PTPRD: variants seen among roughly 807,000 people sequenced by gnomAD.
PTPRD encodes protein tyrosine phosphatase receptor type D.
Under a neutral mutation model 214.5 loss-of-function variants are expected in PTPRD, and 34 were observed. The observed-to-expected ratio is 0.16, with a 90% CI of 0.12 to 0.21. The LOEUF is 0.21. Ranked by LOEUF, PTPRD falls within the 10% of genes least tolerant of loss-of-function variation. The pLI is 1.00. For missense variants in PTPRD, 2,545 were observed against 2,398.7 expected, an observed-to-expected ratio of 1.06 and a Z score of -1.27; for synonymous variants, 1,128 against 845.7, an observed-to-expected ratio of 1.33 and a Z score of -5.79.
intron 9 of PTPRD, among the ~76,000 whole-genome samples, chr9:9,289,363 C>G (rs1371737373): frequency 1.3e-5 from 2 of 151,804 alleles, no homozygotes; most frequent in African/African-American, 4.8e-5. Flanking sequence ...ATATGATTGA[C>G]AAATCAAAAT....
At chr9:8,919,348 T>C (rs920349201) in intron 11 of PTPRD, among the ~76,000 whole-genome samples, 2 of 148,190 alleles carry the variant, frequency 1.3e-5, no homozygotes, top group African/African-American at 5.0e-5. Context: ...GCCGAGGCTA[T>C]GCCACTGGAT....
intron 12 of PTPRD, among the ~76,000 whole-genome samples, chr9:8,667,608 TAA>T (rs1238320000): frequency 6.6e-6 from 1 of 152,000 alleles, no homozygotes; most frequent in Non-Finnish European, 1.5e-5. Context: ...GCAATGCATA[TAA>T]GACATATAAA....
chr9:8,330,373 AATAGACTATAGT>A (rs1183425397), intron 44 of PTPRD, among the ~76,000 whole-genome samples: 3 of 151,838 alleles, frequency 2.0e-5, no homozygotes, highest in Admixed American at 2.0e-4. Flanking sequence ...TTGCACACTA[AATAGACTATAGT>A]ATAAAGTAAA....
chr9:9,646,318 GGTGTGTGTGTGTGTGT>G (rs369865111), intron 7 of PTPRD, among the ~76,000 whole-genome samples: 1 of 137,238 alleles, frequency 7.3e-6, no homozygotes, highest in African/African-American at 2.8e-5. Flanking sequence ...TGTGTGTGTG[GGTGTGTGTGTGTGTGT>G]GTGTGTGTGG....
chr9:8,652,218 G>A (rs1004286689), intron 12 of PTPRD, among the ~76,000 whole-genome samples: 1 of 152,170 alleles, frequency 6.6e-6, no homozygotes, highest in Non-Finnish European at 1.5e-5. Context: ...AATATAGAAT[G>A]CATGCCGAAA....
At chr9:9,653,348 CAAAAAAAAAAAAAAAAAAAAAA>C (rs1175875551) in intron 7 of PTPRD, among the ~76,000 whole-genome samples, 13 of 32,506 alleles carry the variant, frequency 4.0e-4, no homozygotes, top group East Asian at 7.0e-3. Flanking sequence ...GACTCCGTCT[CAAAAAAAAAAAAAAAAAAAAAA>C]AAAAAAAAAA....
intron 3 of PTPRD, among the ~76,000 whole-genome samples, chr9:10,110,256 C>G (rs931424421): frequency 6.6e-5 from 10 of 152,180 alleles, no homozygotes; most frequent in East Asian, 1.9e-4. Flanking sequence ...AGGCTCTGCT[C>G]TAGTTGCACA....
chr9:10,249,927 A>G (rs1390863013), intron 3 of PTPRD, among the ~76,000 whole-genome samples: 2 of 152,174 alleles, frequency 1.3e-5, no homozygotes, highest in Admixed American at 1.3e-4. Context: ...TTTCCTCTAA[A>G]CACAATTAGA....
At chr9:10,570,479 A>T (rs1004518378) in intron 2 of PTPRD, among the ~76,000 whole-genome samples, 8 of 152,192 alleles carry the variant, frequency 5.3e-5, no homozygotes, top group African/African-American at 1.9e-4. Context: ...ATTGATGAAC[A>T]CATATAGTAT....
At chr9:10,181,159 A>G (rs1337923723) in intron 3 of PTPRD, among the ~76,000 whole-genome samples, 3 of 152,076 alleles carry the variant, frequency 2.0e-5, no homozygotes, top group African/African-American at 7.2e-5. Flanking sequence ...TATATAGACA[A>G]TTCAGGATAG....
At chr9:9,579,979 T>C (rs557378497) in intron 7 of PTPRD, among the ~76,000 whole-genome samples, 1 of 152,258 alleles carries the variant, frequency 6.6e-6, no homozygotes, top group African/African-American at 2.4e-5. Flanking sequence ...CTGGGTTGTT[T>C]CACTTAAGAT....
At chr9:8,784,140 G>A (rs1314915924) in intron 11 of PTPRD, among the ~76,000 whole-genome samples, 3 of 152,228 alleles carry the variant, frequency 2.0e-5, no homozygotes, top group Non-Finnish European at 2.9e-5. Flanking sequence ...CCAGCCAAAC[G>A]GTGTTGTGCT....
intron 10 of PTPRD, among the ~76,000 whole-genome samples, chr9:9,060,695 G>A (rs1487553021): frequency 6.6e-6 from 1 of 151,996 alleles, no homozygotes; most frequent in Admixed American, 6.6e-5. Context: ...ATTTGACTAG[G>A]TATTTAATCA....
chr9:9,356,512 C>T (rs1257495389), intron 9 of PTPRD, among the ~76,000 whole-genome samples: 1 of 151,168 alleles, frequency 6.6e-6, no homozygotes, highest in African/African-American at 2.4e-5. Flanking sequence ...GTGTTTGCCA[C>T]CATTTGCAAT....
chr9:10,254,780 G>C (rs1397740334), intron 3 of PTPRD, among the ~76,000 whole-genome samples: 2 of 152,084 alleles, frequency 1.3e-5, no homozygotes, highest in Admixed American at 1.3e-4. Flanking sequence ...CTCAAATGTG[G>C]ACAGAATTTC....
At chr9:9,943,115 A>T (rs924222076) in intron 4 of PTPRD, among the ~76,000 whole-genome samples, 1 of 152,124 alleles carries the variant, frequency 6.6e-6, no homozygotes, top group Non-Finnish European at 1.5e-5. Flanking sequence ...CTGAGACAAT[A>T]TCGTAGTACA....
At chr9:9,384,305 G>C (rs1300987841) in intron 9 of PTPRD, among the ~76,000 whole-genome samples, 4 of 108,950 alleles carry the variant, frequency 3.7e-5, no homozygotes, top group Non-Finnish European at 7.1e-5. Context: ...GGTATAAAAG[G>C]TTTTATGTTG....
intron 36 of PTPRD, among the ~76,000 whole-genome samples, chr9:8,402,618 C>G (rs2092544382): frequency 6.6e-6 from 1 of 152,046 alleles, no homozygotes. Flanking sequence ...AAAAAGATTT[C>G]TCTCTGCTAT....
At chr9:8,693,598 T>A (rs570293769) in intron 12 of PTPRD, among the ~76,000 whole-genome samples, 1 of 152,314 alleles carries the variant, frequency 6.6e-6, no homozygotes, top group East Asian at 1.9e-4. Context: ...TGTACATCAA[T>A]CAACTGTCCA....
Sources: allele counts gnomAD v4.1 joint callset (sites outside exome capture counted in the v4.1 genomes callset), GRCh38; gene constraint gnomAD v4.1.1; transcripts MANE v1.5; gene names NCBI Gene and HGNC (gene_info 2026-07-23, HGNC 2026-07-21).